CBFA2T2: variants seen among roughly 807,000 people sequenced by gnomAD.
CBFA2T2 encodes CBFA2/RUNX1 partner transcriptional co-repressor 2, also known as protein CBFA2T2.
In CBFA2T2, 11 loss-of-function variants were observed where a neutral mutation model predicts 62.2. That is an observed-to-expected ratio of 0.18 (90% CI 0.11 to 0.29). The LOEUF (loss-of-function observed/expected upper bound fraction) is 0.29, where lower values mean the gene tolerates loss of function less well. Among genes scored for constraint, CBFA2T2 ranks in the 10% least tolerant of loss-of-function variants. The pLI is 1.00. For synonymous variants in CBFA2T2, 295 were observed against 287.5 expected (o/e 1.03, Z -0.27); for missense variants, 592 against 774.1 (o/e 0.76, Z 2.79).
intron 1 of CBFA2T2, among the ~76,000 whole-genome samples, chr20:33,531,144 G>A (rs1198456946): frequency 6.6e-6 from 1 of 152,172 alleles, no homozygotes; most frequent in Non-Finnish European, 1.5e-5. Context: ...CGAATTGAGA[G>A]CAAGGGTTTA....
At chr20:33,531,353 T>C (rs1302630223) in intron 1 of CBFA2T2, among the ~76,000 whole-genome samples, 1 of 152,160 alleles carries the variant, frequency 6.6e-6, no homozygotes, top group East Asian at 1.9e-4. Context: ...ACAGGGTGCT[T>C]ACAAAATGGC....
At chr20:33,548,803 A>C (rs1449637952) in intron 1 of CBFA2T2, among the ~76,000 whole-genome samples, 1 of 152,066 alleles carries the variant, frequency 6.6e-6, no homozygotes, top group African/African-American at 2.4e-5. Flanking sequence ...CCTTCCCCCG[A>C]AAAAAAGCCA....
At chr20:33,623,390 G>A (rs1649528858) in intron 5 of CBFA2T2, 94 bp downstream of exon 5, 3 of 1,456,508 alleles carry the variant, frequency 2.1e-6, no homozygotes, top group Admixed American at 1.9e-5. Context: ...TGCTGTGGTT[G>A]TAATGTCTCA....
intron 1 of CBFA2T2, among the ~76,000 whole-genome samples, chr20:33,510,650 C>T (rs1182148593): frequency 6.6e-6 from 1 of 152,142 alleles, no homozygotes; most frequent in Non-Finnish European, 1.5e-5. Context: ...GGTATATGCC[C>T]AGTAATGGGA....
At position 33,645,180 on chromosome 20, in the gene CBFA2T2, C is replaced by G. The variant is rs1311704202; in HGVS notation, c.*534C>G. 6.5e-6 allele frequency: 1 copy of G among 153,572 alleles called. No homozygotes were observed. Among genetic ancestry groups the G allele is most frequent in the African/African-American group, 2.4e-5 (1 of 41,494 alleles). The allele number at this position is 153,572 out of a possible 1,614,324, so 9.5% of individuals were successfully genotyped here. A position where few individuals can be genotyped will look rare whatever the true frequency, so the allele number is the denominator to read the frequency against. ...GCGGCATTCAGGACTCTTCTCAACC[C>G]TGCTGTTCAGACTTGATAAGATCTC... On this transcript the variant is annotated 3_prime_UTR_variant, in exon 11 of 11. Transcript: ENST00000342704.
intron 1 of CBFA2T2, among the ~76,000 whole-genome samples, chr20:33,499,220 G>A (rs1307942586): frequency 6.6e-6 from 1 of 152,110 alleles, no homozygotes. Context: ...TAAGTTCAGG[G>A]TAATGAAAAT....
chr20:33,493,325 C>G (rs2011163445), intron 1 of CBFA2T2, among the ~76,000 whole-genome samples: 1 of 152,136 alleles, frequency 6.6e-6, no homozygotes, highest in African/African-American at 2.4e-5. Flanking sequence ...ATCTGCCCGC[C>G]TCGGCTTCCC....
chr20:33,588,639 TAGTTCAACATTA>T (rs1188827661), intron 1 of CBFA2T2, among the ~76,000 whole-genome samples: 1 of 152,110 alleles, frequency 6.6e-6, no homozygotes, highest in Non-Finnish European at 1.5e-5. Flanking sequence ...ATGGCAAGGA[TAGTTCAACATTA>T]AGAAGCTGAA....
Position 33,561,478 on chromosome 20 carries a change from G to A in CBFA2T2, c.35-45478G>A, listed in dbSNP as rs2013088567. 3.9e-5 allele frequency among the ~76,000 whole-genome samples: 6 copies of A among 152,176 alleles called. No individual in the cohort carries two copies. The South Asian group carries it at 1.2e-3, about 31-fold the overall frequency. ...GTCCGTTGGACCCTTCACTCAATTT[G>A]CCCCAGTGGTACCATTTTGTGTAAC... is the stretch of plus-strand genomic sequence containing the variant. On this transcript the variant is annotated intron_variant, in intron 1 of 10. Transcript: ENST00000342704.
At chr20:33,503,254 C>CTTTTTTT (rs557746879) in intron 1 of CBFA2T2, among the ~76,000 whole-genome samples, 12 of 108,658 alleles carry the variant, frequency 1.1e-4, no homozygotes, top group African/African-American at 1.5e-4. Context: ...TTCTTTCTTT[C>CTTTTTTT]TTTTTTTTTT....
chr20:33,565,612 C>G (rs2013277793), intron 1 of CBFA2T2, among the ~76,000 whole-genome samples: 2 of 152,146 alleles, frequency 1.3e-5, no homozygotes, highest in Admixed American at 1.3e-4. Flanking sequence ...GATTAAAAGT[C>G]TTGCTAGGAC....
chr20:33,566,194 A>G (rs1195722121), intron 1 of CBFA2T2, among the ~76,000 whole-genome samples: 1 of 152,164 alleles, frequency 6.6e-6, no homozygotes, highest in African/African-American at 2.4e-5. Flanking sequence ...TTAGACTAGA[A>G]TTATGTTGAG....
intron 1 of CBFA2T2, among the ~76,000 whole-genome samples, chr20:33,600,660 A>G (rs1037739952): frequency 1.7e-4 from 26 of 152,280 alleles, no homozygotes; most frequent in African/African-American, 6.3e-4. Context: ...TGGAGAGCCC[A>G]TGTAGCCTTT....
intron 8 of CBFA2T2, among the ~76,000 whole-genome samples, chr20:33,632,631 G>A (rs1242576691): frequency 6.6e-5 from 10 of 151,390 alleles, no homozygotes; most frequent in African/African-American, 2.4e-4. Flanking sequence ...ACCACACCCG[G>A]CTGAGTTTTT....
chr20:33,523,935 C>T (rs1256946325), intron 1 of CBFA2T2, among the ~76,000 whole-genome samples: 3 of 152,100 alleles, frequency 2.0e-5, no homozygotes, highest in East Asian at 3.8e-4. Flanking sequence ...CCGCCCGCCT[C>T]GGCCTCCCAA....
At chr20:33,566,476 T>C (rs948837317) in intron 1 of CBFA2T2, among the ~76,000 whole-genome samples, 3 of 151,816 alleles carry the variant, frequency 2.0e-5, no homozygotes, top group Non-Finnish European at 4.4e-5. Flanking sequence ...CGTGGTGACA[T>C]GTGCCTGTAA....
At chr20:33,516,222 C>T (rs1273585903) in intron 1 of CBFA2T2, among the ~76,000 whole-genome samples, 1 of 152,204 alleles carries the variant, frequency 6.6e-6, no homozygotes, top group African/African-American at 2.4e-5. Flanking sequence ...GTAGTCCCAG[C>T]ACTTTGGGAG....
chr20:33,564,265 C>CTT (rs546526858), intron 1 of CBFA2T2, among the ~76,000 whole-genome samples: 5 of 120,472 alleles, frequency 4.2e-5, no homozygotes, highest in Non-Finnish European at 7.8e-5. Flanking sequence ...CTTTTTCTTT[C>CTT]TTTTTTTTTT....
intron 1 of CBFA2T2, among the ~76,000 whole-genome samples, chr20:33,535,606 T>A (rs867051702): frequency 0.028 from 4,140 of 147,432 alleles, 185 homozygotes; most frequent in African/African-American, 0.099. Context: ...AGTTTTATTT[T>A]TATTTTTTTA....
Sources: allele counts gnomAD v4.1 joint callset (sites outside exome capture counted in the v4.1 genomes callset), GRCh38; gene constraint gnomAD v4.1.1; transcripts MANE v1.5; gene names NCBI Gene and HGNC (gene_info 2026-07-23, HGNC 2026-07-21).